USP22: variants seen among roughly 807,000 people sequenced by gnomAD.
The protein encoded by USP22 is ubiquitin carboxyl-terminal hydrolase 22.
USP22 carries 22 observed loss-of-function variants against 68.1 expected under a neutral mutation model. The observed-to-expected ratio is 0.32, with a 90% CI of 0.23 to 0.46. USP22 has a LOEUF of 0.46. USP22 is among the 20% of genes least tolerant of loss of function. The pLI, the probability that USP22 is intolerant of heterozygous loss-of-function variation, is 1.00. For synonymous variants in USP22, 279 were observed against 274.2 expected (o/e 1.02, Z -0.17); for missense variants, 433 against 695.8 (o/e 0.62, Z 4.25).
At chr17:21,041,735 AC>A (rs1179166524) in intron 1 of USP22, among the ~76,000 whole-genome samples, 2 of 152,236 alleles carry the variant, frequency 1.3e-5, no homozygotes, top group Non-Finnish European at 2.9e-5. Flanking sequence ...ATTGTAATCT[AC>A]AAAAGCGCGT....
chr17:21,041,638 C>T (rs1026095246), intron 1 of USP22, among the ~76,000 whole-genome samples: 1 of 152,172 alleles, frequency 6.6e-6, no homozygotes, highest in African/African-American at 2.4e-5. Context: ...TTAACATACC[C>T]TACAATCTCA....
At position 21,004,339 on chromosome 17, in the gene USP22, A is replaced by T. The variant is rs768009507; in HGVS notation, c.1398T>A (p.Phe466Leu). 6.2e-7 allele frequency: 1 copy of T among 1,614,168 alleles called. No individual in the cohort carries two copies. Among genetic ancestry groups the T allele is most frequent in the East Asian group, 2.2e-5 (1 of 44,884 alleles). The change falls in exon 12 of 13, where the codon TTT becomes TTA. Residue 466 changes from phenylalanine to leucine, a missense_variant. Phe to Leu is a conservative substitution (Grantham distance 22). Transcript: ENST00000261497. Reference protein sequence around the residue: ...SLNNDNKYSLFAVVNHQGTLE... With the variant: ...SLNNDNKYSLLAVVNHQGTLE... ...AGGTCCCTTGATGGTTAACAACAGC[A>T]AACAGGGAATACCTAGTGCAGGAGC...
At chr17:21,027,035 C>G (rs1567591084) in intron 2 of USP22, among the ~76,000 whole-genome samples, 1 of 151,830 alleles carries the variant, frequency 6.6e-6, no homozygotes. Flanking sequence ...GATCTCCAGT[C>G]TGCCCACCTT....
At chr17:21,011,675 G>T (rs1461366819) in intron 7 of USP22, 1 of 246,558 alleles carries the variant, frequency 4.1e-6, no homozygotes. Context: ...TGGGGCCTGT[G>T]ACCCTAGGCA....
At position 21,011,242 on chromosome 17, in the gene USP22, A is replaced by C; in HGVS notation, c.1012T>G (p.Phe338Val). Residue 338 changes from phenylalanine (F) to valine (V), a missense_variant, in exon 8 of 13, where the codon TTC (phenylalanine) becomes GTC (valine). By Grantham distance (50) the Phe-to-Val change is conservative (BLOSUM62 -1). Around this residue, in one of 4 missense-constraint regions of USP22, gnomAD observed 178 missense variants for 351.5 expected, o/e 0.51. Coordinates refer to ENST00000261497, the MANE Select transcript of USP22 (RefSeq NM_015276.2). ...TCGCTCCCTGGGCTCAGGGGCCAGA[A>C]TGGGGTGGAAGAGCCGGGGAGATCC... Reference protein sequence around the residue: ...SLDLPGSSTPFWPLSPGSEGN... With the variant: ...SLDLPGSSTPVWPLSPGSEGN... 6.2e-7 allele frequency: 1 copy of C among 1,604,264 alleles called. No individual in the cohort carries two copies. Among genetic ancestry groups the C allele is most frequent in the Non-Finnish European group, 8.5e-7 (1 of 1,175,320 alleles).
At chr17:21,018,512 C>T (rs1230192752) in intron 4 of USP22, among the ~76,000 whole-genome samples, 2 of 152,194 alleles carry the variant, frequency 1.3e-5, no homozygotes, top group Non-Finnish European at 2.9e-5. Context: ...CCCAGGAGTT[C>T]GAGACCAGCC....
chr17:21,040,542 A>T (rs528464008), intron 1 of USP22, among the ~76,000 whole-genome samples: 1 of 147,250 alleles, frequency 6.8e-6, no homozygotes, highest in Middle Eastern at 3.4e-3. Flanking sequence ...GTGGCTCAAC[A>T]GTTTTGAAAC....
chr17:21,030,239 T>G (rs958475512), intron 1 of USP22, among the ~76,000 whole-genome samples: 5 of 152,202 alleles, frequency 3.3e-5, no homozygotes, highest in African/African-American at 1.2e-4. Flanking sequence ...GGTTATAATA[T>G]ATTGTTTCAG....
intron 2 of USP22, among the ~76,000 whole-genome samples, chr17:21,024,620 G>A (rs1174476762): frequency 1.3e-5 from 2 of 152,134 alleles, no homozygotes; most frequent in African/African-American, 4.8e-5. Context: ...TCATGACCTC[G>A]GATTTGGTAA....
At chr17:21,041,215 C>T (rs1321663644) in intron 1 of USP22, among the ~76,000 whole-genome samples, 2 of 152,128 alleles carry the variant, frequency 1.3e-5, no homozygotes, top group Non-Finnish European at 2.9e-5. Flanking sequence ...CACAATTCTA[C>T]TAGCAAGACT....
chr17:21,003,112 T>C, intron 12 of USP22, 39 bp from the exon 13 acceptor site: 1 of 1,612,180 alleles, frequency 6.2e-7, no homozygotes, highest in Non-Finnish European at 8.5e-7. Context: ...CACCTCTAAC[T>C]CCTAAGACAG....
chr17:21,018,229 C>G (rs1367091826), intron 4 of USP22, 118 bp from the exon 5 acceptor site: 2 of 951,752 alleles, frequency 2.1e-6, no homozygotes, highest in East Asian at 2.8e-5. Context: ...TTCATTCAAG[C>G]CAGAACACGA....
intron 5 of USP22, among the ~76,000 whole-genome samples, chr17:21,017,224 T>C (rs934438299): frequency 2.0e-5 from 3 of 152,206 alleles, no homozygotes; most frequent in African/African-American, 7.2e-5. Context: ...ATGAGTGAGC[T>C]GGCGTGGCTG....
At chr17:21,007,564 A>G (rs548936519) in intron 9 of USP22, among the ~76,000 whole-genome samples, 1 of 152,052 alleles carries the variant, frequency 6.6e-6, no homozygotes, top group South Asian at 2.1e-4. Context: ...AAAATAAAAC[A>G]GAAAACCTGA....
At position 21,002,754 on chromosome 17, in the gene USP22, C is replaced by A. The variant is rs538639141; in HGVS notation, c.*277G>T. 81 of 414,814 alleles carry A rather than the reference C, an allele frequency of 2.0e-4. No homozygotes were observed. Among genetic ancestry groups the A allele is most frequent in the Non-Finnish European group, 3.1e-4 (69 of 219,198 alleles). 25.7% of individuals were successfully genotyped at this position (414,814 alleles called of 1,614,324 possible). On this transcript the variant is annotated 3_prime_UTR_variant, in exon 13 of 13. Coordinates refer to ENST00000261497, the MANE Select transcript of USP22 (RefSeq NM_015276.2). The stretch of plus-strand genomic sequence containing the variant: ...CCCGTTGCACCCCCATGTCATGACA[C>A]AAGAGATGTTCTGGTGACGGGTGTA...
At position 21,001,998 on chromosome 17, in the gene USP22, G is replaced by A. The variant is rs1443774800; in HGVS notation, c.*1033C>T. The A allele has an allele frequency of 6.6e-6, 1 of 152,284 alleles. No homozygotes were observed. Among genetic ancestry groups the A allele is most frequent in the South Asian group, 2.1e-4 (1 of 4,832 alleles). 9.4% of individuals were successfully genotyped at this position (152,284 alleles called of 1,614,324 possible). A position where few individuals can be genotyped will look rare whatever the true frequency, so the allele number is the denominator to read the frequency against. ...GCAGGCTCCACCAGAGGCCACTCCAGCTTCGCGACCAACACCCTTGGCTGC... is the reference window on the plus strand; with the variant it reads ...GCAGGCTCCACCAGAGGCCACTCCAACTTCGCGACCAACACCCTTGGCTGC... On this transcript the variant is annotated 3_prime_UTR_variant, in exon 13 of 13. Coordinates refer to ENST00000261497, the MANE Select transcript of USP22 (RefSeq NM_015276.2).
intron 1 of USP22, among the ~76,000 whole-genome samples, chr17:21,039,111 C>A (rs1483837075): frequency 6.6e-6 from 1 of 151,926 alleles, no homozygotes; most frequent in Non-Finnish European, 1.5e-5. Context: ...GCCACCATGC[C>A]CAGCTAATTT....
At chr17:21,015,717 C>T in intron 6 of USP22, 35 bp downstream of exon 6, 1 of 1,581,840 alleles carries the variant, frequency 6.3e-7, no homozygotes, top group Non-Finnish European at 8.6e-7. Flanking sequence ...GGAAAACATC[C>T]TGCCCTGGTG....
chr17:21,025,007 A>G (rs1279519115), intron 2 of USP22, among the ~76,000 whole-genome samples: 1 of 152,124 alleles, frequency 6.6e-6, no homozygotes, highest in African/African-American at 2.4e-5. Flanking sequence ...AGAATTAAAA[A>G]CGTCTGATCC....
Sources: allele counts gnomAD v4.1 joint callset (sites outside exome capture counted in the v4.1 genomes callset), GRCh38; gene constraint gnomAD v4.1.1; regional missense constraint gnomAD v4.1.1; transcripts MANE v1.5; gene names NCBI Gene and HGNC (gene_info 2026-07-23, HGNC 2026-07-21).